The following PIK3CA variants were observed in gnomAD, a reference collection of about 807,000 sequenced individuals.
PIK3CA encodes phosphatidylinositol-4,5-bisphosphate 3-kinase catalytic subunit alpha.
Under a neutral mutation model 138.2 loss-of-function variants are expected in PIK3CA, and 27 were observed. That is an observed-to-expected ratio of 0.20 (90% CI 0.14 to 0.27). The LOEUF is 0.27. Among genes scored for constraint, PIK3CA ranks in the 10% least tolerant of loss-of-function variants. The pLI is 1.00. For missense variants in PIK3CA, 544 were observed against 1,277.4 expected, an observed-to-expected ratio of 0.43 and a Z score of 8.75; for synonymous variants, 358 against 413.2, an observed-to-expected ratio of 0.87 and a Z score of 1.62.
At chr3:179,152,953 G>A (rs1380823417) in intron 1 of PIK3CA, among the ~76,000 whole-genome samples, 1 of 152,044 alleles carries the variant, frequency 6.6e-6, no homozygotes. Flanking sequence ...AGTCTAAACT[G>A]ATGAACTTAC....
Position 179,236,391 on chromosome 3 carries a change from A to C in PIK3CA, c.*2027A>C, listed in dbSNP as rs988743246. ...TTGTAGAAGATTTCATAACTTATTA[A>C]AACTTATTAACATTTTGTGTTGTTT... On this transcript the variant is annotated 3_prime_UTR_variant, in exon 21 of 21. Transcript: ENST00000263967. 4.7e-5 allele frequency: 10 copies of C among 211,282 alleles called. No homozygotes were observed. The highest frequency in any genetic ancestry group is 1.2e-4 in the Admixed American group (2 of 16,922). The allele number at this position is 211,282 out of a possible 1,614,324, so 13.1% of individuals were successfully genotyped here. A position where few individuals can be genotyped will look rare whatever the true frequency, so the allele number is the denominator to read the frequency against.
intron 1 of PIK3CA, among the ~76,000 whole-genome samples, chr3:179,167,989 G>A (rs765316410): frequency 2.0e-5 from 3 of 152,052 alleles, no homozygotes; most frequent in Non-Finnish European, 2.9e-5. Flanking sequence ...TGTTTTTCCT[G>A]AATACTTTTT....
intron 1 of PIK3CA, among the ~76,000 whole-genome samples, chr3:179,152,007 C>A (rs1409014875): frequency 6.6e-6 from 1 of 152,172 alleles, no homozygotes; most frequent in Non-Finnish European, 1.5e-5. Context: ...CAGTAGTATT[C>A]TTATTGCCAA....
intron 10 of PIK3CA, 132 bp downstream of exon 10, chr3:179,218,466 C>A (rs2108408886): frequency 3.1e-6 from 2 of 641,926 alleles, no homozygotes; most frequent in Non-Finnish European, 2.5e-6. Flanking sequence ...GATTTTTAAA[C>A]TATAAACATT....
intron 1 of PIK3CA, among the ~76,000 whole-genome samples, chr3:179,190,097 C>T (rs1053398611): frequency 6.6e-6 from 1 of 152,142 alleles, no homozygotes; most frequent in Non-Finnish European, 1.5e-5. Flanking sequence ...TTTAAAATTA[C>T]GCTTCTTAGC....
At chr3:179,194,909 C>G (rs993340081) in intron 1 of PIK3CA, among the ~76,000 whole-genome samples, 1 of 151,930 alleles carries the variant, frequency 6.6e-6, no homozygotes, top group African/African-American at 2.4e-5. Flanking sequence ...AAGTCGTTCC[C>G]CAGTAAACTA....
intron 9 of PIK3CA, among the ~76,000 whole-genome samples, chr3:179,212,641 G>C (rs1724744497): frequency 6.6e-6 from 1 of 151,620 alleles, no homozygotes; most frequent in East Asian, 2.0e-4. Context: ...GGGTCTCACT[G>C]TGTTGCCTGG....
chr3:179,205,171 G>C (rs1201183864), intron 6 of PIK3CA, among the ~76,000 whole-genome samples: 1 of 151,810 alleles, frequency 6.6e-6, no homozygotes. Context: ...CTATGATCGT[G>C]CCACTGCATT....
intron 4 of PIK3CA, 76 bp from the exon 5 acceptor site, chr3:179,203,468 G>A (rs571937784): frequency 3.8e-6 from 5 of 1,302,238 alleles, no homozygotes; most frequent in Non-Finnish European, 5.2e-6. Context: ...TTAATATGTA[G>A]TCATAATACT....
At position 179,239,310 on chromosome 3, in the gene PIK3CA, ATTC is replaced by A. The variant is rs1281528822; in HGVS notation, c.*4949_*4951del. 9.9e-6 allele frequency: 2 copies of A among 202,538 alleles called. No homozygotes were observed. Among genetic ancestry groups the A allele is most frequent in the African/African-American group, 2.3e-5 (1 of 43,564 alleles). The allele number at this position is 202,538 out of a possible 1,614,324, so 12.5% of individuals were successfully genotyped here. On this transcript the variant is annotated 3_prime_UTR_variant, in exon 21 of 21. Transcript: ENST00000263967. Reference sequence around the variant, plus strand: ...CTAAGAACCATGTATACTTTTAGGTATTCTTATTTTTGTCAATTTTTCTAGGTT... The same window carrying A: ...CTAAGAACCATGTATACTTTTAGGTATTATTTTTGTCAATTTTTCTAGGTT...
At chr3:179,196,014 T>C (rs1056438898) in intron 1 of PIK3CA, among the ~76,000 whole-genome samples, 2 of 152,230 alleles carry the variant, frequency 1.3e-5, no homozygotes, top group South Asian at 2.1e-4. Flanking sequence ...ATTACCATAA[T>C]CACATTTATT....
At chr3:179,164,232 T>A (rs763090177) in intron 1 of PIK3CA, among the ~76,000 whole-genome samples, 1 of 152,152 alleles carries the variant, frequency 6.6e-6, no homozygotes, top group Non-Finnish European at 1.5e-5. Context: ...AAGATGCTAA[T>A]ATGGTGTCTT....
At chr3:179,199,957 C>A (rs2108388146) in intron 3 of PIK3CA, 58 bp downstream of exon 3, 4 of 1,040,050 alleles carry the variant, frequency 3.8e-6, no homozygotes, top group Non-Finnish European at 5.8e-6. Context: ...CTACCTGTGT[C>A]TATATCTTTG....
intron 3 of PIK3CA, among the ~76,000 whole-genome samples, 184 bp from the exon 4 acceptor site, chr3:179,201,106 G>T (rs1319899685): frequency 6.6e-6 from 1 of 152,132 alleles, no homozygotes; most frequent in Non-Finnish European, 1.5e-5. Flanking sequence ...ATTTGGGAAT[G>T]ATCTGGCAGC....
In PIK3CA at chr3:179,230,783, C is replaced by A. The variant is rs1446405980; in HGVS notation, c.2936+407C>A. Among the ~76,000 whole-genome samples the A allele has an allele frequency of 4.6e-5, 7 of 152,046 alleles. No homozygotes were observed. The highest frequency in any genetic ancestry group is 1.3e-4 in the Admixed American group (2 of 15,248). ...TAAATAAAATGAAATAATAGAAGTT[C>A]TTTTACCACTTCAGCAAAAACTATT... On this transcript the variant is annotated intron_variant, in intron 20 of 20. Coordinates refer to ENST00000263967, the MANE Select transcript of PIK3CA (RefSeq NM_006218.4). This position sits in a 1 kb window ranked among gnomAD's most constrained non-coding sequence, Gnocchi z 5.4.
intron 17 of PIK3CA, among the ~76,000 whole-genome samples, chr3:179,227,223 ATTAT>A (rs1401749738): frequency 2.0e-5 from 3 of 152,092 alleles, no homozygotes; most frequent in Non-Finnish European, 2.9e-5. Flanking sequence ...TTAGATTAAA[ATTAT>A]TTAAGTAAAA....
In PIK3CA at chr3:179,237,765, A is replaced by T. The variant is rs559841785; in HGVS notation, c.*3401A>T. 5.2e-5 allele frequency: 11 copies of T among 211,170 alleles called. No individual in the cohort carries two copies. Among genetic ancestry groups the T allele is most frequent in the Non-Finnish European group, 6.7e-5 (7 of 103,992 alleles). 13.1% of individuals were successfully genotyped at this position (211,170 alleles called of 1,614,324 possible). A position where few individuals can be genotyped will look rare whatever the true frequency, so the allele number is the denominator to read the frequency against. On this transcript the variant is annotated 3_prime_UTR_variant, in exon 21 of 21. Transcript: ENST00000263967. The stretch of plus-strand genomic sequence containing the variant: ...GTAAATCCGTTTAATTCATACTTTG[A>T]TCAATAGCCCATGCTTGCCAACTCT...
chr3:179,158,598 T>G (rs1037015178), intron 1 of PIK3CA, among the ~76,000 whole-genome samples: 3 of 152,178 alleles, frequency 2.0e-5, no homozygotes, highest in African/African-American at 7.2e-5. Context: ...TCAAGCTGCT[T>G]GTATCTTGTT....
At chr3:179,167,399 C>T (rs975505151) in intron 1 of PIK3CA, among the ~76,000 whole-genome samples, 1 of 152,026 alleles carries the variant, frequency 6.6e-6, no homozygotes, top group Admixed American at 6.5e-5. Flanking sequence ...TTAAGATACT[C>T]ATATCTTCAT....
Sources: gnomAD v4.1 joint callset for allele counts (sites outside exome capture counted in the v4.1 genomes callset) on GRCh38, gnomAD v4.1.1 for gene constraint, Gnocchi (gnomAD v3.1) non-coding constraint, MANE v1.5 for transcripts, NCBI Gene and HGNC (gene_info 2026-07-23, HGNC 2026-07-21) for gene names.